TUBD1: variants seen among roughly 807,000 people sequenced by gnomAD.
TUBD1 encodes tubulin delta 1.
TUBD1 carries 38 observed loss-of-function variants against 51.2 expected under a neutral mutation model. The ratio of observed to expected loss-of-function variants is 0.74; its 90% CI spans 0.57 to 0.97. The LOEUF is 0.97. Among genes scored for constraint, TUBD1 ranks in the 50% least tolerant of loss-of-function variants. The probability of loss-of-function intolerance (pLI) is 0.00; values close to 1 mark genes in which losing one functional copy is unlikely to be tolerated. For synonymous variants in TUBD1, 169 were observed against 178.2 expected, an observed-to-expected ratio of 0.95 and a Z score of 0.41; for missense variants, 489 against 538.4, an observed-to-expected ratio of 0.91 and a Z score of 0.91.
intron 6 of TUBD1, among the ~76,000 whole-genome samples, chr17:59,869,481 C>CAA (rs1054734107): frequency 1.7e-5 from 2 of 119,908 alleles, no homozygotes. Flanking sequence ...TCCCCCCCGC[C>CAA]AAAAAAAAAA....
At chr17:59,881,276 A>ACTTGC in intron 3 of TUBD1, 166 bp from the exon 4 acceptor site, 1 of 604,400 alleles carries the variant, frequency 1.7e-6, no homozygotes, top group South Asian at 2.1e-5. Context: ...TAAATACATA[A>ACTTGC]GTTGAATATA....
In TUBD1 at chr17:59,870,878, G is replaced by A. The variant is rs138841725; in HGVS notation, c.934+3661C>T. On this transcript the variant is annotated intron_variant, in intron 6 of 8. Transcript: ENST00000325752. ...CTAACTCAGCAAATAATCACTGAGC[G>A]TTTACCGTTCCAGGCTCCAAAGATG... 5.3e-5 allele frequency among the ~76,000 whole-genome samples: 8 copies of A among 152,296 alleles called. No homozygotes were observed. In the East Asian group the frequency reaches 9.6e-4, roughly 18 times the overall value.
intron 6 of TUBD1, among the ~76,000 whole-genome samples, chr17:59,869,071 TAA>T (rs939148721): frequency 2.0e-5 from 3 of 151,764 alleles, no homozygotes; most frequent in African/African-American, 7.3e-5. Flanking sequence ...TGAAGAGTTA[TAA>T]AACTAGATCC....
In TUBD1 at chr17:59,878,316, TG is replaced by T; in HGVS notation, c.555del (p.Tyr185Ter). On this transcript the variant is annotated frameshift_variant, in exon 5 of 9. Transcript: ENST00000325752. LOFTEE classifies it high-confidence loss of function. ...AAGTGAGAAAGTGTCAAAATGGAGT[TG>T]TAGTTTTGAACAATAACCTGGAGAG... ...YGTGEVIVQN[Y>X]NSILTLSHLY... is the part of the protein sequence containing the mutation. 6.2e-7 allele frequency: 1 copy of T among 1,613,280 alleles called. No homozygotes were observed. The highest frequency in any genetic ancestry group is 8.5e-7 in the Non-Finnish European group (1 of 1,179,320).
chr17:59,868,587 C>T (rs1016023931), intron 6 of TUBD1, among the ~76,000 whole-genome samples: 1 of 152,040 alleles, frequency 6.6e-6, no homozygotes, highest in Non-Finnish European at 1.5e-5. Flanking sequence ...TGCCTGTAAT[C>T]CCAGCACTTT....
chr17:59,861,656 GTTTT>G (rs995234248), intron 8 of TUBD1, among the ~76,000 whole-genome samples: 31 of 151,670 alleles, frequency 2.0e-4, no homozygotes, highest in Non-Finnish European at 2.7e-4. Flanking sequence ...TGTGGAGTGG[GTTTT>G]TTTGTTTGTT....
chr17:59,875,035 T>C (rs1005344549), intron 5 of TUBD1, among the ~76,000 whole-genome samples: 3 of 151,806 alleles, frequency 2.0e-5, no homozygotes, highest in African/African-American at 4.8e-5. Context: ...CTGATATGCT[T>C]TTCTTGTCAT....
chr17:59,871,869 C>A (rs1357460049), intron 6 of TUBD1, among the ~76,000 whole-genome samples: 1 of 151,974 alleles, frequency 6.6e-6, no homozygotes, highest in Admixed American at 6.6e-5. Flanking sequence ...GATCACAGCT[C>A]ATTTTAAACT....
In TUBD1 at chr17:59,886,119, C is replaced by T. The variant is rs765041198; in HGVS notation, c.284G>A (p.Cys95Tyr). 1.3e-5 allele frequency: 21 copies of T among 1,613,804 alleles called. No individual in the cohort carries two copies. The highest frequency in any genetic ancestry group is 1.7e-5 in the Non-Finnish European group (20 of 1,180,016). ...GTTGTTTCCAGAACCTTGTTTTTGA[C>T]AGAAGCATGCATGTTGACCATATTT... ...QWKYGQHACF[C>Y]QKQGSGNNWA... Residue 95 changes from cysteine to tyrosine, a missense_variant, in exon 3 of 9, where the codon TGT (cysteine) becomes TAT (tyrosine). Coordinates refer to ENST00000325752, the MANE Select transcript of TUBD1 (RefSeq NM_016261.4).
intron 4 of TUBD1, chr17:59,878,549 A>G (rs2040333828): frequency 2.2e-6 from 1 of 461,408 alleles, no homozygotes; most frequent in Admixed American, 3.9e-5. Context: ...CAGTGGCACC[A>G]TCTCTGCTCA....
intron 3 of TUBD1, 118 bp from the exon 4 acceptor site, chr17:59,881,228 T>A: frequency 1.2e-6 from 1 of 821,370 alleles, no homozygotes; most frequent in Non-Finnish European, 1.9e-6. Flanking sequence ...GTGAAGGAAC[T>A]CTCATGAAAG....
intron 6 of TUBD1, among the ~76,000 whole-genome samples, chr17:59,872,859 CG>C (rs2040057820): frequency 6.6e-6 from 1 of 151,764 alleles, no homozygotes; most frequent in South Asian, 2.1e-4. Flanking sequence ...CTCTGCCTCC[CG>C]GGTTCAAGCA....
intron 2 of TUBD1, among the ~76,000 whole-genome samples, chr17:59,890,204 G>A (rs184565978): frequency 4.6e-5 from 7 of 152,262 alleles, no homozygotes; most frequent in African/African-American, 1.4e-4. Flanking sequence ...CTTCAATGAT[G>A]CTATGTGGGG....
At chr17:59,870,803 C>A (rs1312203885) in intron 6 of TUBD1, among the ~76,000 whole-genome samples, 2 of 152,158 alleles carry the variant, frequency 1.3e-5, no homozygotes, top group Non-Finnish European at 2.9e-5. Context: ...TACTGTGAAA[C>A]CCACACAAGT....
chr17:59,889,133 C>T (rs2040868417), intron 2 of TUBD1, among the ~76,000 whole-genome samples: 1 of 150,646 alleles, frequency 6.6e-6, no homozygotes, highest in Non-Finnish European at 1.5e-5. Flanking sequence ...CCTGCCTCAC[C>T]CTCCCGAATA....
At chr17:59,882,044 G>A (rs780904498) in intron 3 of TUBD1, among the ~76,000 whole-genome samples, 1 of 150,904 alleles carries the variant, frequency 6.6e-6, no homozygotes, top group Non-Finnish European at 1.5e-5. Flanking sequence ...ATACTAGAGT[G>A]TATTTCTTCT....
In TUBD1 at chr17:59,878,527, C is replaced by T. The variant is rs536708013; in HGVS notation, c.538-193G>A. On this transcript the variant is annotated intron_variant, in intron 4 of 8. Coordinates refer to ENST00000325752, the MANE Select transcript of TUBD1 (RefSeq NM_016261.4). ...TTTTTGAGATAGAGACTCTGTCGCC[C>T]AGGCTGGAGTACAGTGGCACCATCT... The T allele has an allele frequency of 1.1e-4, 56 of 525,150 alleles. 1 individual carries two copies. The South Asian group carries it at 1.2e-3, about 12-fold the overall frequency. 32.5% of individuals were successfully genotyped at this position (525,150 alleles called of 1,614,324 possible).
At chr17:59,887,696 T>C (rs1376398166) in intron 2 of TUBD1, among the ~76,000 whole-genome samples, 2 of 152,220 alleles carry the variant, frequency 1.3e-5, no homozygotes, top group African/African-American at 4.8e-5. Context: ...CTGTCAATCA[T>C]AATTCACTGC....
chr17:59,866,699 T>G lies in TUBD1; in HGVS notation c.985A>C (p.Lys329Gln). 6.2e-7 allele frequency: 1 copy of G among 1,614,166 alleles called. No homozygotes were observed. The highest frequency in any genetic ancestry group is 8.5e-7 in the Non-Finnish European group (1 of 1,180,030). ...TGCAGGTCCTTGTTGAGAGACATTT[T>G]ACTAAGAGGAGGAAGTCCTGATAAA... ...PPLSGLPPLS[K>Q]MSLNKDLHFN... is the part of the protein sequence containing the mutation. The change falls in exon 7 of 9, where the codon AAA (lysine) becomes CAA (glutamine). Residue 329 changes from lysine to glutamine, a missense_variant. By Grantham distance (53) the Lys-to-Gln change is moderately conservative. Transcript: ENST00000325752.
Sources: allele counts gnomAD v4.1 joint callset (sites outside exome capture counted in the v4.1 genomes callset), GRCh38; gene constraint gnomAD v4.1.1; transcripts MANE v1.5; gene names NCBI Gene and HGNC (gene_info 2026-07-23, HGNC 2026-07-21).